Variants in RBM25 observed in about 807,000 individuals in gnomAD.
The protein encoded by RBM25 is RNA-binding protein 25.
In RBM25, 19 loss-of-function variants were observed where a neutral mutation model predicts 120.7. The ratio of observed to expected loss-of-function variants is 0.16; its 90% CI spans 0.11 to 0.23. RBM25 has a LOEUF of 0.23. RBM25 is among the 10% of genes least tolerant of loss of function. The probability of loss-of-function intolerance (pLI) is 1.00; values close to 1 mark genes in which losing one functional copy is unlikely to be tolerated. For synonymous variants in RBM25, 390 were observed against 326.7 expected (o/e 1.19, Z -2.09); for missense variants, 605 against 1,041.5 (o/e 0.58, Z 5.77).
intron 18 of RBM25, among the ~76,000 whole-genome samples, chr14:73,118,875 TCTC>T (rs1466732757): frequency 9.9e-5 from 15 of 152,020 alleles, no homozygotes; most frequent in African/African-American, 3.6e-4. Context: ...TTCAAGCGAT[TCTC>T]CTACCTCAGC....
Position 73,109,438 on chromosome 14 carries a change from C to A in RBM25, c.1638C>A (p.Ile546=), listed in dbSNP as rs1262797029. 1.9e-6 allele frequency: 3 copies of A among 1,614,178 alleles called. No individual in the cohort carries two copies. Among genetic ancestry groups the A allele is most frequent in the East Asian group, 4.5e-5 (2 of 44,876 alleles). The stretch of plus-strand genomic sequence containing the variant: ...GAGAGAAGGAGGAGCTTGAGGAAAT[C>A]AGGCAGCGCCTTCTGGCAGAAGGGC... ...RKREKEELEE[I]RQRLLAEGHP... The change falls in exon 14 of 19, where the codon ATC becomes ATA. Residue 546 remains isoleucine (I), a synonymous_variant. Coordinates refer to ENST00000261973, the MANE Select transcript of RBM25 (RefSeq NM_021239.3).
intron 4 of RBM25, among the ~76,000 whole-genome samples, chr14:73,082,906 AT>A (rs1348293479): frequency 7.0e-6 from 1 of 143,526 alleles, no homozygotes; most frequent in Non-Finnish European, 1.5e-5. Flanking sequence ...CTAAAAATAA[AT>A]AAAAAAAAAA....
At position 73,123,394 on chromosome 14, in the gene RBM25, G is replaced by C. The variant is rs1430370077; in HGVS notation, c.*3589G>C. On this transcript the variant is annotated 3_prime_UTR_variant, in exon 19 of 19. Transcript: ENST00000261973. ...ATCCCCAATTTATACCCAAAAGACT[G>C]CTGAGAGGTTTTATGTCAAATTGAT... The C allele has an allele frequency of 2.0e-5, 3 of 152,096 alleles. No individual in the cohort carries two copies. Among genetic ancestry groups the C allele is most frequent in the African/African-American group, 7.2e-5 (3 of 41,408 alleles). The allele number at this position is 152,096 out of a possible 1,614,324, so 9.4% of individuals were successfully genotyped here.
chr14:73,118,599 G>A (rs138590380), intron 18 of RBM25, among the ~76,000 whole-genome samples: 35 of 152,146 alleles, frequency 2.3e-4, no homozygotes, highest in African/African-American at 7.5e-4. Flanking sequence ...TATGAAAAGC[G>A]TATGGTTTCC....
Position 73,109,423 on chromosome 14 carries a change from G to A in RBM25, c.1623G>A (p.Glu541=). Reference sequence around the variant, plus strand: ...AACGAGATAGGAAGAGAGAGAAGGAGGAGCTTGAGGAAATCAGGCAGCGCC... The same window carrying A: ...AACGAGATAGGAAGAGAGAGAAGGAAGAGCTTGAGGAAATCAGGCAGCGCC... ...ADERDRKREK[E]ELEEIRQRLL... Residue 541 remains glutamate, a synonymous_variant, in exon 14 of 19, where the codon GAG becomes GAA. Transcript: ENST00000261973. The A allele has an allele frequency of 1.2e-6, 2 of 1,614,206 alleles. No homozygotes were observed. Among genetic ancestry groups the A allele is most frequent in the Non-Finnish European group, 1.7e-6 (2 of 1,180,020 alleles).
chr14:73,112,147 T>G lies in RBM25; in HGVS notation c.2293-5T>G. ...TTAATTCAGTAACCGTGGTTTGTTT[T>G]GCAGATACTGATGGAACGTCGAATT... is the stretch of plus-strand genomic sequence containing the variant. On this transcript the variant is annotated splice_region_variant and splice_polypyrimidine_tract_variant and intron_variant, in intron 16 of 18. Transcript: ENST00000261973. The G allele has an allele frequency of 6.3e-7, 1 of 1,596,786 alleles. No individual in the cohort carries two copies. Among genetic ancestry groups the G allele is most frequent in the Non-Finnish European group, 8.5e-7 (1 of 1,174,182 alleles).
rs958883027 is a variant in RBM25, at chr14:73,120,687, T to G, written c.*882T>G. ...AATGCATTTTTGCACTAATTGGTCCTTAGTTTAATTCTATTGTATCTGTTT... is the reference window on the plus strand; with the variant it reads ...AATGCATTTTTGCACTAATTGGTCCGTAGTTTAATTCTATTGTATCTGTTT... On this transcript the variant is annotated 3_prime_UTR_variant, in exon 19 of 19. Transcript: ENST00000261973. The G allele has an allele frequency of 4.6e-5, 7 of 152,186 alleles. No individual in the cohort carries two copies. Among genetic ancestry groups the G allele is most frequent in the Non-Finnish European group, 7.4e-5 (5 of 68,006 alleles). The allele number at this position is 152,186 out of a possible 1,614,324, so 9.4% of individuals were successfully genotyped here. A position where few individuals can be genotyped will look rare whatever the true frequency, so the allele number is the denominator to read the frequency against.
intron 17 of RBM25, among the ~76,000 whole-genome samples, chr14:73,112,963 C>T (rs1213135444): frequency 2.0e-5 from 3 of 151,992 alleles, no homozygotes; most frequent in Non-Finnish European, 2.9e-5. Flanking sequence ...GCCACCACAC[C>T]CTGCTAATTT....
rs537773316 is a variant in RBM25, at chr14:73,107,601, T to C, written c.1468-225T>C. The C allele has an allele frequency of 4.2e-4, 196 of 470,744 alleles. 2 individuals are homozygous for C. In the South Asian group the frequency reaches 4.5e-3, roughly 11 times the overall value. 29.2% of individuals were successfully genotyped at this position (470,744 alleles called of 1,614,324 possible). ...TTTAAACCAAATAGCTGAATACATA[T>C]ACATTTATAAATATGGTTTGAATTC... On this transcript the variant is annotated intron_variant, in intron 12 of 18. Transcript: ENST00000261973.
chr14:73,112,352 G>T, intron 17 of RBM25, 102 bp downstream of exon 17: 7 of 1,148,170 alleles, frequency 6.1e-6, no homozygotes, highest in Non-Finnish European at 7.0e-6. Flanking sequence ...GTTCCATGAT[G>T]GTTTAGGTTC....
chr14:73,067,138 C>A (rs1005648921), intron 1 of RBM25, among the ~76,000 whole-genome samples: 1 of 148,290 alleles, frequency 6.7e-6, no homozygotes, highest in African/African-American at 2.5e-5. Context: ...GGCACCGTCT[C>A]GGCTCACTGC....
rs1896532132 is a variant in RBM25, at chr14:73,121,050, G to C, written c.*1245G>C. On this transcript the variant is annotated 3_prime_UTR_variant, in exon 19 of 19. Transcript: ENST00000261973. ...CGTTGTAGATCAGAATTTCACCAGG[G>C]AGTAAAATTACCTGAAAACGTAAGA... 1.3e-5 allele frequency: 2 copies of C among 152,168 alleles called. No homozygotes were observed. The highest frequency in any genetic ancestry group is 4.8e-5 in the African/African-American group (2 of 41,422). 9.4% of individuals were successfully genotyped at this position (152,168 alleles called of 1,614,324 possible). A position where few individuals can be genotyped will look rare whatever the true frequency, so the allele number is the denominator to read the frequency against.
chr14:73,117,675 G>T (rs916867998), intron 18 of RBM25, among the ~76,000 whole-genome samples: 1 of 152,202 alleles, frequency 6.6e-6, no homozygotes, highest in African/African-American at 2.4e-5. Flanking sequence ...TGAGGGAACT[G>T]AGGCTCAGGT....
At chr14:73,112,100 T>C (rs1470164922) in intron 16 of RBM25, 52 bp from the exon 17 acceptor site, 1 of 1,469,738 alleles carries the variant, frequency 6.8e-7, no homozygotes, top group Admixed American at 2.2e-5. Context: ...CTTTAATAAC[T>C]GTTATAGCAA....
At chr14:73,086,765 G>C (rs376807617) in intron 5 of RBM25, among the ~76,000 whole-genome samples, 1 of 151,990 alleles carries the variant, frequency 6.6e-6, no homozygotes, top group East Asian at 1.9e-4. Flanking sequence ...AGTGCAGTGG[G>C]GCAATCTCAG....
chr14:73,104,783 G>T (rs1187160190), intron 10 of RBM25, among the ~76,000 whole-genome samples: 7 of 152,098 alleles, frequency 4.6e-5, no homozygotes, highest in East Asian at 1.9e-4. Context: ...TTTTCTTCAG[G>T]CTAGTTTAAA....
At chr14:73,113,593 A>G (rs1211457806) in intron 17 of RBM25, among the ~76,000 whole-genome samples, 2 of 151,946 alleles carry the variant, frequency 1.3e-5, no homozygotes, top group African/African-American at 4.8e-5. Flanking sequence ...CGGGAGGCTG[A>G]GGCAGGAGAA....
intron 5 of RBM25, among the ~76,000 whole-genome samples, chr14:73,087,418 C>G (rs1353539367): frequency 4.3e-5 from 6 of 138,470 alleles, no homozygotes; most frequent in Admixed American, 7.5e-5. Flanking sequence ...TTTTTTGAGA[C>G]GGAGTCTCGC....
At position 73,093,007 on chromosome 14, in the gene RBM25, A is replaced by G. The variant is rs192540454; in HGVS notation, c.544-3908A>G. On this transcript the variant is annotated intron_variant, in intron 6 of 18. Transcript: ENST00000261973. ...CATTTCTTATTGACCTCTAGTAGTA[A>G]AGTATTCCATGTGAGGTGGCCATGC... 2.7e-4 allele frequency among the ~76,000 whole-genome samples: 41 copies of G among 152,282 alleles called. 1 individual carries two copies. The highest frequency in any genetic ancestry group is 3.4e-3 in the Middle Eastern group (1 of 294).
Sources: gnomAD v4.1 joint callset for allele counts (sites outside exome capture counted in the v4.1 genomes callset) on GRCh38, gnomAD v4.1.1 for gene constraint, MANE v1.5 for transcripts, NCBI Gene and HGNC (gene_info 2026-07-23, HGNC 2026-07-21) for gene names.